MBLAC2: variants seen among roughly 807,000 people sequenced by gnomAD.
MBLAC2 encodes the protein acyl-coenzyme A thioesterase MBLAC2.
MBLAC2 carries 24 observed loss-of-function variants against 23.3 expected under a neutral mutation model. The observed-to-expected ratio is 1.03, with a 90% CI of 0.75 to 1.45. The LOEUF is 1.45. Ranked by LOEUF, MBLAC2 falls within the 40% of genes most tolerant of loss-of-function variation. MBLAC2 has a pLI of 0.00. For missense variants in MBLAC2, 358 were observed against 370.0 expected (o/e 0.97, Z 0.27); for synonymous variants, 162 against 150.9 (o/e 1.07, Z -0.54).
In MBLAC2 at chr5:90,473,820, G is replaced by A. The variant is rs778848238; in HGVS notation, c.454+19C>T. Reference sequence around the variant, plus strand: ...ATACCCTCCCTTAACGAGAGCGCGCGCCCGCGGGGGCCCATTACCATCCTG... The same window carrying A: ...ATACCCTCCCTTAACGAGAGCGCGCACCCGCGGGGGCCCATTACCATCCTG... On this transcript the variant is annotated intron_variant, in intron 1 of 1. Coordinates refer to ENST00000316610, the MANE Select transcript of MBLAC2 (RefSeq NM_203406.2). 5 of 1,555,466 alleles carry A rather than the reference G, an allele frequency of 3.2e-6. No individual in the cohort carries two copies. The highest frequency in any genetic ancestry group is 1.7e-4 in the Middle Eastern group (1 of 6,000).
At chr5:90,469,470 G>GT (rs35876203) in intron 1 of MBLAC2, among the ~76,000 whole-genome samples, 30,877 of 144,540 alleles carry the variant, frequency 0.21, 3,309 homozygotes, top group African/African-American at 0.27. Flanking sequence ...AATTCTAAGA[G>GT]TTTTTTTTTT....
At chr5:90,464,532 C>A (rs955810347) in intron 1 of MBLAC2, among the ~76,000 whole-genome samples, 9 of 152,094 alleles carry the variant, frequency 5.9e-5, no homozygotes, top group African/African-American at 2.2e-4. Flanking sequence ...CTGCAGAGAT[C>A]TATGATGGCG....
Position 90,461,321 on chromosome 5 carries a change from G to A in MBLAC2, c.686C>T (p.Pro229Leu). The A allele has an allele frequency of 6.2e-7, 1 of 1,614,148 alleles. No individual in the cohort carries two copies. The highest frequency in any genetic ancestry group is 1.1e-5 in the South Asian group (1 of 91,080). The change falls in exon 2 of 2, where the codon CCT (proline) becomes CTT (leucine). Residue 229 changes from proline (P) to leucine (L), a missense_variant. Transcript: ENST00000316610. ...AGCACCAAAGGTATTGAAGTGCCCA[G>A]GAAGCACCTTCTCTACCAGACCTCT... is the stretch of plus-strand genomic sequence containing the variant. The part of the protein sequence containing the change: ...VDRGLVEKVL[P>L]GHFNTFGAER...
chr5:90,462,515 A>AT (rs1316265823), intron 1 of MBLAC2, among the ~76,000 whole-genome samples: 2 of 152,248 alleles, frequency 1.3e-5, no homozygotes, highest in Non-Finnish European at 2.9e-5. Context: ...GAAAGAAACT[A>AT]TAAGACCAAA....
In MBLAC2 at chr5:90,461,401, G is replaced by T; in HGVS notation, c.606C>A (p.Tyr202Ter). ...YDGSLIDWLP[Y>*]SRISDYVGTC... The stretch of plus-strand genomic sequence containing the variant: ...TTCCAACATAGTCACTTATCCTGCT[G>T]TATGGGAGCCAGTCAATCAGTGATC... The change falls in exon 2 of 2, where the codon TAC becomes TAA. Residue 202 changes from tyrosine (Y) to a stop codon, truncating the protein, a stop_gained. Transcript: ENST00000316610. LOFTEE classifies it high-confidence loss of function. 6.2e-7 allele frequency: 1 copy of T among 1,614,148 alleles called. No homozygotes were observed. Among genetic ancestry groups the T allele is most frequent in the Middle Eastern group, 1.6e-4 (1 of 6,062 alleles).
intron 1 of MBLAC2, chr5:90,473,541 T>G (rs1269568010): frequency 1.6e-6 from 1 of 620,220 alleles, no homozygotes. Flanking sequence ...CAAGTCTTTG[T>G]AGTGTTACTG....
chr5:90,465,012 C>A (rs1445708258), intron 1 of MBLAC2, among the ~76,000 whole-genome samples: 2 of 152,108 alleles, frequency 1.3e-5, no homozygotes, highest in Admixed American at 6.5e-5. Context: ...AGATCCTAGA[C>A]AGTGTAATAA....
chr5:90,469,831 A>G (rs1750515622), intron 1 of MBLAC2, among the ~76,000 whole-genome samples: 1 of 152,220 alleles, frequency 6.6e-6, no homozygotes, highest in African/African-American at 2.4e-5. Flanking sequence ...AGGTTCCTCA[A>G]CAAACTGAAA....
At chr5:90,473,172 C>T (rs3763070) in intron 1 of MBLAC2, 45,662 of 153,032 alleles carry the variant, frequency 0.3, 7,268 homozygotes, top group East Asian at 0.51. Context: ...CTTTCTCAGG[C>T]TTTGCTTTCA....
chr5:90,465,932 T>TAATCTC lies in MBLAC2; in HGVS notation c.455-4386_455-4381dup, dbSNP rs1275090345. Reference sequence around the variant, plus strand: ...TGTAATGGCCAGTAAAAATTCAACATAATCTCAATCAAAATCTTGATCTTT... The same window carrying TAATCTC: ...TGTAATGGCCAGTAAAAATTCAACATAATCTCAATCTCAATCAAAATCTTGATCTTT... On this transcript the variant is annotated intron_variant, in intron 1 of 1. Transcript: ENST00000316610. 2.0e-5 allele frequency among the ~76,000 whole-genome samples: 3 copies of TAATCTC among 152,330 alleles called. No homozygotes were observed. In the East Asian group the frequency reaches 5.8e-4, roughly 29 times the overall value.
intron 1 of MBLAC2, among the ~76,000 whole-genome samples, chr5:90,466,540 A>G (rs919021137): frequency 4.6e-5 from 7 of 152,196 alleles, no homozygotes; most frequent in African/African-American, 1.7e-4. Flanking sequence ...TCTTGCTTAA[A>G]AAGACACCAT....
At chr5:90,473,664 G>C in intron 1 of MBLAC2, 175 bp downstream of exon 1, 2 of 720,732 alleles carry the variant, frequency 2.8e-6, no homozygotes, top group South Asian at 1.5e-5. Flanking sequence ...GGCTGTGATG[G>C]CCTTGACTCT....
chr5:90,474,001 C>A lies in MBLAC2; in HGVS notation c.292G>T (p.Val98Leu), dbSNP rs1179934133. ...HSGGLYQFDR[V>L]AVHHAEAEAL... ...TCGGCCTCGGCGTGGTGCACTGCCACGCGGTCGAACTGGTAGAGGCCGCCG... is the reference window on the plus strand; with the variant it reads ...TCGGCCTCGGCGTGGTGCACTGCCAAGCGGTCGAACTGGTAGAGGCCGCCG... Residue 98 changes from valine to leucine, a missense_variant, in exon 1 of 2, where the codon GTG becomes TTG. Transcript: ENST00000316610. 1.3e-6 allele frequency: 2 copies of A among 1,598,654 alleles called. No individual in the cohort carries two copies. Among genetic ancestry groups the A allele is most frequent in the East Asian group, 4.5e-5 (2 of 44,268 alleles).
Position 90,474,272 on chromosome 5 carries a change from G to GT in MBLAC2, c.20dup (p.Tyr7Ter). ...TACCATCGCCTAGAGACTTGTGGGC[G>GT]TACCACTCGAGCGCCGACATGCTGG... MSALEW[Y>*]AHKSLGDGIF... Residue 7 changes from tyrosine (Y) to a stop codon, truncating the protein, a stop_gained and frameshift_variant, in exon 1 of 2, where the codon TAC becomes TAAC. Transcript: ENST00000316610. LOFTEE classifies it high-confidence loss of function. The GT allele has an allele frequency of 6.2e-7, 1 of 1,613,332 alleles. No homozygotes were observed. Among genetic ancestry groups the GT allele is most frequent in the Non-Finnish European group, 8.5e-7 (1 of 1,179,772 alleles).
At chr5:90,473,356 G>C (rs574670542) in intron 1 of MBLAC2, 30 of 338,344 alleles carry the variant, frequency 8.9e-5, no homozygotes, top group Admixed American at 3.0e-4. Flanking sequence ...GCTACAGGTG[G>C]GAACTGCCCA....
Position 90,460,355 on chromosome 5 carries a change from G to T in MBLAC2, c.*812C>A, listed in dbSNP as rs1200580082. 6.6e-6 allele frequency: 1 copy of T among 152,444 alleles called. No individual in the cohort carries two copies. Among genetic ancestry groups the T allele is most frequent in the Admixed American group, 6.6e-5 (1 of 15,260 alleles). 9.4% of individuals were successfully genotyped at this position (152,444 alleles called of 1,614,324 possible). ...ATAATAGCTGTTAATATTAAAATAG[G>T]ATATAATAATAAAAAATTATTCTCA... On this transcript the variant is annotated 3_prime_UTR_variant, in exon 2 of 2. Coordinates refer to ENST00000316610, the MANE Select transcript of MBLAC2 (RefSeq NM_203406.2).
At chr5:90,463,305 A>G (rs893739468) in intron 1 of MBLAC2, among the ~76,000 whole-genome samples, 1 of 152,202 alleles carries the variant, frequency 6.6e-6, no homozygotes, top group Non-Finnish European at 1.5e-5. Context: ...GCTGGTTGCC[A>G]TGTTGCCAAG....
chr5:90,473,377 G>T (rs2914674), intron 1 of MBLAC2: 188,032 of 379,522 alleles, frequency 0.5, 49,772 homozygotes, highest in African/African-American at 0.78. Context: ...TACCCGGTGG[G>T]GACCAAGCTG....
rs1750318767 is a variant in MBLAC2, at chr5:90,459,390, G to A, written c.*1777C>T. On this transcript the variant is annotated 3_prime_UTR_variant, in exon 2 of 2. Transcript: ENST00000316610. ...AATCAATTTTTCTCATGCTAAATAT[G>A]TGATGTTTGGAATATACTGGATTCC... The A allele has an allele frequency of 6.6e-6, 1 of 152,064 alleles. No homozygotes were observed. The allele number at this position is 152,064 out of a possible 1,614,324, so 9.4% of individuals were successfully genotyped here.
Sources: gnomAD v4.1 joint callset for allele counts (sites outside exome capture counted in the v4.1 genomes callset) on GRCh38, gnomAD v4.1.1 for gene constraint, MANE v1.5 for transcripts, NCBI Gene and HGNC (gene_info 2026-07-23, HGNC 2026-07-21) for gene names.